ITPR2: variants seen among roughly 807,000 people sequenced by gnomAD.
ITPR2 encodes inositol 1,4,5-trisphosphate-gated calcium channel ITPR2.
Under a neutral mutation model 317.1 loss-of-function variants are expected in ITPR2, and 207 were observed. That is an observed-to-expected ratio of 0.65 (90% CI 0.58 to 0.73). ITPR2 has a LOEUF of 0.73. Ranked by LOEUF, ITPR2 falls within the 30% of genes least tolerant of loss-of-function variation. ITPR2 has a pLI of 0.00. For synonymous variants in ITPR2, 1,156 were observed against 1,149.1 expected, an observed-to-expected ratio of 1.01 and a Z score of -0.12; for missense variants, 2,613 against 3,284.0, an observed-to-expected ratio of 0.80 and a Z score of 4.99.
chr12:26,580,723 T>G (rs1945385048), intron 32 of ITPR2, among the ~76,000 whole-genome samples: 1 of 152,172 alleles, frequency 6.6e-6, no homozygotes, highest in African/African-American at 2.4e-5. Flanking sequence ...AGTATAGGTT[T>G]GCGTGCATTC....
intron 55 of ITPR2, among the ~76,000 whole-genome samples, chr12:26,353,279 C>T (rs942006103): frequency 5.3e-5 from 8 of 152,146 alleles, no homozygotes; most frequent in African/African-American, 1.9e-4. Context: ...TGATCAAAGT[C>T]CTCGATCATG....
At chr12:26,505,451 C>G (rs1943162289) in intron 37 of ITPR2, among the ~76,000 whole-genome samples, 1 of 152,154 alleles carries the variant, frequency 6.6e-6, no homozygotes, top group Non-Finnish European at 1.5e-5. Context: ...TGCTTTCTGT[C>G]CCCCGACCCT....
rs1297604926 is a variant in ITPR2 at position 26,543,529 on chromosome 12, T to G, written c.5073+6718A>C. ...GGCTGGGCACGGTAGCTCACAGCACTTTGGGAGGCTGAAGCAGGTGGATTG... is the reference window on the plus strand; with the variant it reads ...GGCTGGGCACGGTAGCTCACAGCACGTTGGGAGGCTGAAGCAGGTGGATTG... On this transcript the variant is annotated intron_variant, in intron 37 of 56. Coordinates refer to ENST00000381340, the MANE Select transcript of ITPR2 (RefSeq NM_002223.4). 2.0e-5 allele frequency among the ~76,000 whole-genome samples: 3 copies of G among 152,112 alleles called. No homozygotes were observed. In the East Asian group the frequency reaches 5.8e-4, roughly 29 times the overall value.
rs971443424 is a variant in ITPR2, at chr12:26,387,674, T to C, written c.7697-80A>G. The C allele has an allele frequency of 1.6e-5, 21 of 1,345,594 alleles. No individual in the cohort carries two copies. In the Admixed American group the frequency reaches 4.7e-4, roughly 30 times the overall value. The allele number at this position is 1,345,594 out of a possible 1,614,324, so 83.4% of individuals were successfully genotyped here. A position where few individuals can be genotyped will look rare whatever the true frequency, so the allele number is the denominator to read the frequency against. On this transcript the variant is annotated intron_variant, in intron 54 of 56. Transcript: ENST00000381340. ...TTCTTAGCATAAAAACAAAACACAA[T>C]AATTATTGTGAAAAAAATGCTTTCA...
At position 26,657,647 on chromosome 12, in the gene ITPR2, C is replaced by T. The variant is rs79532562; in HGVS notation, c.2192+60G>A. On this transcript the variant is annotated intron_variant, in intron 18 of 56. Transcript: ENST00000381340. ...ATACCTAACTAGTGGCTACAGAGAA[C>T]CAGTTCTCAATTAATATGTGAGACT... The T allele has an allele frequency of 2.9e-3, 4,211 of 1,465,574 alleles. 105 individuals are homozygous for T. In the African/African-American group the frequency reaches 0.05, roughly 17 times the overall value. The allele number at this position is 1,465,574 out of a possible 1,614,324, so 90.8% of individuals were successfully genotyped here. A position where few individuals can be genotyped will look rare whatever the true frequency, so the allele number is the denominator to read the frequency against.
At chr12:26,564,888 T>C (rs1377408502) in intron 34 of ITPR2, among the ~76,000 whole-genome samples, 2 of 152,204 alleles carry the variant, frequency 1.3e-5, no homozygotes, top group African/African-American at 4.8e-5. Flanking sequence ...TGCTAATTTA[T>C]GGCCAGCCGT....
chr12:26,439,691 A>T (rs1034124591), intron 46 of ITPR2, among the ~76,000 whole-genome samples: 1 of 152,176 alleles, frequency 6.6e-6, no homozygotes, highest in Admixed American at 6.5e-5. Flanking sequence ...CATAGCGCTT[A>T]TGTTATTTGT....
chr12:26,611,085 G>T (rs1015469585), intron 26 of ITPR2, among the ~76,000 whole-genome samples: 1 of 152,204 alleles, frequency 6.6e-6, no homozygotes, highest in Non-Finnish European at 1.5e-5. Flanking sequence ...AAACTGTTCC[G>T]GCACCAGGCA....
At chr12:26,779,084 C>T (rs1478408235) in intron 2 of ITPR2, among the ~76,000 whole-genome samples, 1 of 152,202 alleles carries the variant, frequency 6.6e-6, no homozygotes, top group African/African-American at 2.4e-5. Flanking sequence ...GTCCAGCCTG[C>T]TGTGCAAGCT....
At chr12:26,392,489 C>T (rs1939881265) in intron 54 of ITPR2, among the ~76,000 whole-genome samples, 1 of 152,232 alleles carries the variant, frequency 6.6e-6, no homozygotes, top group South Asian at 2.1e-4. Flanking sequence ...GCCCACAACA[C>T]TTCACTATGA....
intron 55 of ITPR2, among the ~76,000 whole-genome samples, chr12:26,370,221 G>C (rs115152176): frequency 0.014 from 2,124 of 152,258 alleles, 49 homozygotes; most frequent in African/African-American, 0.048. Flanking sequence ...GAGTGGCCTG[G>C]GGTCACCCAA....
Position 26,339,272 on chromosome 12 carries a change from C to A in ITPR2, c.*125G>T. The A allele has an allele frequency of 1.3e-6, 1 of 763,734 alleles. No individual in the cohort carries two copies. Among genetic ancestry groups the A allele is most frequent in the Non-Finnish European group, 2.2e-6 (1 of 454,988 alleles). 47.3% of individuals were successfully genotyped at this position (763,734 alleles called of 1,614,324 possible). On this transcript the variant is annotated 3_prime_UTR_variant, in exon 57 of 57. Transcript: ENST00000381340. ...TTCTCGGAGCTAACCCACTCAACATCTTGGCACTTGGTTGTTTTTAACTTT... is the reference window on the plus strand; with the variant it reads ...TTCTCGGAGCTAACCCACTCAACATATTGGCACTTGGTTGTTTTTAACTTT...
intron 1 of ITPR2, among the ~76,000 whole-genome samples, chr12:26,829,051 T>C (rs886707092): frequency 1.3e-5 from 2 of 152,238 alleles, no homozygotes; most frequent in African/African-American, 2.4e-5. Context: ...ATGAACAGCA[T>C]GGTTTCTTTA....
intron 30 of ITPR2, among the ~76,000 whole-genome samples, chr12:26,598,473 A>G (rs1331542136): frequency 6.6e-6 from 1 of 152,200 alleles, no homozygotes; most frequent in East Asian, 1.9e-4. Flanking sequence ...TTGGTCACAG[A>G]GCGGTGATTT....
chr12:26,347,485 T>C (rs1242328544), intron 55 of ITPR2, among the ~76,000 whole-genome samples: 2 of 152,166 alleles, frequency 1.3e-5, no homozygotes, highest in Non-Finnish European at 2.9e-5. Flanking sequence ...TTCCATCCCA[T>C]TTTGCAGATG....
chr12:26,473,167 G>A (rs928620294), intron 45 of ITPR2, among the ~76,000 whole-genome samples: 17 of 152,288 alleles, frequency 1.1e-4, no homozygotes, highest in East Asian at 3.9e-4. Context: ...GATTACAGGC[G>A]TGAGCCATTG....
intron 2 of ITPR2, among the ~76,000 whole-genome samples, chr12:26,736,852 C>T (rs563930757): frequency 6.6e-6 from 1 of 152,128 alleles, no homozygotes; most frequent in African/African-American, 2.4e-5. Flanking sequence ...AAGCAGCATC[C>T]TAACAAATTA....
intron 2 of ITPR2, among the ~76,000 whole-genome samples, chr12:26,768,064 C>A: frequency 6.6e-6 from 1 of 152,160 alleles, no homozygotes; most frequent in Non-Finnish European, 1.5e-5. Context: ...CTAATCCTTG[C>A]CTATCTACTG....
intron 34 of ITPR2, among the ~76,000 whole-genome samples, chr12:26,562,326 A>T (rs1272467768): frequency 2.0e-5 from 3 of 152,228 alleles, no homozygotes; most frequent in Non-Finnish European, 4.4e-5. Context: ...CCATTCATTA[A>T]TTTAAGTAGT....
Sources: gnomAD v4.1 joint callset for allele counts (sites outside exome capture counted in the v4.1 genomes callset) on GRCh38, gnomAD v4.1.1 for gene constraint, MANE v1.5 for transcripts, NCBI Gene and HGNC (gene_info 2026-07-23, HGNC 2026-07-21) for gene names.